The following RSPO2 variants were observed in gnomAD, a reference collection of about 807,000 sequenced individuals.
RSPO2 encodes R-spondin 2, also known as R-spondin-2.
In RSPO2, 14 loss-of-function variants were observed where a neutral mutation model predicts 30.9. The observed-to-expected ratio is 0.45, with a 90% CI of 0.30 to 0.71. RSPO2 has a LOEUF of 0.71. Among genes scored for constraint, RSPO2 ranks in the 30% least tolerant of loss-of-function variants. RSPO2 has a pLI of 0.08. For synonymous variants in RSPO2, 107 were observed against 96.4 expected (o/e 1.11, Z -0.64); for missense variants, 264 against 301.9 (o/e 0.87, Z 0.93).
chr8:108,081,073 C>A (rs909262177), intron 2 of RSPO2, among the ~76,000 whole-genome samples: 1 of 152,094 alleles, frequency 6.6e-6, no homozygotes, highest in African/African-American at 2.4e-5. Context: ...AAAATAATTT[C>A]TGAAAATAAA....
intron 2 of RSPO2, among the ~76,000 whole-genome samples, chr8:108,017,545 C>G (rs1377240818): frequency 6.6e-6 from 1 of 151,860 alleles, no homozygotes; most frequent in Non-Finnish European, 1.5e-5. Context: ...AGAGAAGGAG[C>G]AATAAAAGCA....
At chr8:108,007,335 G>GATC (rs916937366) in intron 2 of RSPO2, among the ~76,000 whole-genome samples, 2 of 152,064 alleles carry the variant, frequency 1.3e-5, no homozygotes, top group Admixed American at 1.3e-4. Flanking sequence ...TTCAGACAGA[G>GATC]ATCATCACCA....
chr8:107,940,268 T>C (rs1812856800), intron 5 of RSPO2, among the ~76,000 whole-genome samples: 1 of 151,634 alleles, frequency 6.6e-6, no homozygotes, highest in Non-Finnish European at 1.5e-5. Context: ...ACTCAAAATG[T>C]AAAACACCAG....
intron 2 of RSPO2, among the ~76,000 whole-genome samples, chr8:108,064,747 A>C (rs1812603356): frequency 6.6e-6 from 1 of 152,222 alleles, no homozygotes; most frequent in African/African-American, 2.4e-5. Context: ...GGCACTATTC[A>C]CAATAGCAAA....
At chr8:107,977,627 C>T (rs769852628) in intron 3 of RSPO2, among the ~76,000 whole-genome samples, 5 of 152,000 alleles carry the variant, frequency 3.3e-5, no homozygotes, top group Non-Finnish European at 5.9e-5. Flanking sequence ...CAGACACCTA[C>T]GTAAAAAAAC....
intron 3 of RSPO2, among the ~76,000 whole-genome samples, chr8:107,962,278 A>G (rs745791952): frequency 1.3e-5 from 2 of 152,212 alleles, no homozygotes; most frequent in Non-Finnish European, 2.9e-5. Context: ...GGCTAAATTT[A>G]AAGGCTAAAA....
At chr8:107,991,742 T>A (rs1314959439) in intron 2 of RSPO2, among the ~76,000 whole-genome samples, 2 of 152,012 alleles carry the variant, frequency 1.3e-5, no homozygotes, top group African/African-American at 4.8e-5. Context: ...AACAGACACT[T>A]CTCAAAGGAA....
chr8:107,957,064 T>G (rs779574180), intron 5 of RSPO2, among the ~76,000 whole-genome samples: 30 of 151,970 alleles, frequency 2.0e-4, no homozygotes, highest in Non-Finnish European at 3.2e-4. Context: ...CCGACTGGAG[T>G]CTTCGAGTCT....
chr8:108,026,216 G>T (rs935743327), intron 2 of RSPO2, among the ~76,000 whole-genome samples: 3 of 152,154 alleles, frequency 2.0e-5, no homozygotes, highest in Non-Finnish European at 2.9e-5. Context: ...AACTGGCCAG[G>T]ATTCTTCAAA....
intron 3 of RSPO2, among the ~76,000 whole-genome samples, chr8:107,980,393 G>A (rs1044883445): frequency 1.3e-5 from 2 of 152,112 alleles, no homozygotes; most frequent in African/African-American, 4.8e-5. Flanking sequence ...GGAAAACCAT[G>A]CAAGTGGCTG....
intron 5 of RSPO2, among the ~76,000 whole-genome samples, chr8:107,922,960 C>G (rs1314640329): frequency 2.6e-5 from 4 of 152,106 alleles, no homozygotes; most frequent in African/African-American, 9.7e-5. Flanking sequence ...AAATGTAAAA[C>G]TACAAACTGC....
intron 5 of RSPO2, among the ~76,000 whole-genome samples, chr8:107,957,786 C>T (rs1281618153): frequency 6.6e-6 from 1 of 152,160 alleles, no homozygotes; most frequent in Non-Finnish European, 1.5e-5. Context: ...TTTTATGGTA[C>T]ATTTGCAGAA....
At chr8:107,995,749 C>T (rs1386203952) in intron 2 of RSPO2, among the ~76,000 whole-genome samples, 1 of 152,086 alleles carries the variant, frequency 6.6e-6, no homozygotes, top group Non-Finnish European at 1.5e-5. Flanking sequence ...CTGACCCTCA[C>T]CTTTGTCATT....
intron 2 of RSPO2, among the ~76,000 whole-genome samples, chr8:107,993,602 T>A (rs2130537122): frequency 6.6e-6 from 1 of 152,188 alleles, no homozygotes; most frequent in African/African-American, 2.4e-5. Context: ...ATAATAGAAT[T>A]TGCGGGGGAT....
At chr8:108,070,558 G>T (rs1019523853) in intron 2 of RSPO2, among the ~76,000 whole-genome samples, 10 of 152,126 alleles carry the variant, frequency 6.6e-5, no homozygotes, top group African/African-American at 2.4e-4. Context: ...TCCCAAAGAA[G>T]ACCCCATCTC....
chr8:107,986,044 A>C (rs1814616158), intron 3 of RSPO2, among the ~76,000 whole-genome samples: 1 of 152,234 alleles, frequency 6.6e-6, no homozygotes, highest in Non-Finnish European at 1.5e-5. Flanking sequence ...TATTGCTAAA[A>C]GTATAATTTT....
chr8:107,983,552 A>C, intron 3 of RSPO2: 3 of 1,599,870 alleles, frequency 1.9e-6, no homozygotes, highest in Non-Finnish European at 2.6e-6. Context: ...TATTTACTTC[A>C]GCAAAAGAGT....
At chr8:107,927,878 T>A (rs1812435228) in intron 5 of RSPO2, among the ~76,000 whole-genome samples, 1 of 152,130 alleles carries the variant, frequency 6.6e-6, no homozygotes, top group East Asian at 1.9e-4. Context: ...TACTCTGTAT[T>A]ACAGATGTGC....
intron 5 of RSPO2, among the ~76,000 whole-genome samples, chr8:107,927,678 C>T (rs913989384): frequency 5.3e-5 from 8 of 152,032 alleles, no homozygotes; most frequent in African/African-American, 1.2e-4. Context: ...TCTTTGGTTC[C>T]GTTTATATGC....
Sources: allele counts gnomAD v4.1 joint callset (sites outside exome capture counted in the v4.1 genomes callset), GRCh38; gene constraint gnomAD v4.1.1; transcripts MANE v1.5; gene names NCBI Gene and HGNC (gene_info 2026-07-23, HGNC 2026-07-21).